The following TYK2 variants were observed in gnomAD, a reference collection of about 807,000 sequenced individuals.
TYK2 encodes the protein non-receptor tyrosine-protein kinase TYK2.
A neutral mutation model predicts 130.9 loss-of-function variants in TYK2; 65 were observed. The observed-to-expected ratio is 0.50, with a 90% CI of 0.41 to 0.61. TYK2 has a LOEUF of 0.61. Among genes scored for constraint, TYK2 ranks in the 20% least tolerant of loss-of-function variants. TYK2 has a pLI of 0.00. For synonymous variants in TYK2, 647 were observed against 658.9 expected, an observed-to-expected ratio of 0.98 and a Z score of 0.28; for missense variants, 1,378 against 1,610.7, an observed-to-expected ratio of 0.86 and a Z score of 2.47.
rs772233092 is a variant in TYK2, at chr19:10,357,495, C to T, written c.2466+269G>A. On this transcript the variant is annotated intron_variant, in intron 17 of 24. Transcript: ENST00000525621. ...CTTCTTCCCCACTCTGCAGCCTGGG[C>T]GTCTCCCATCGCTGCCCTGGTCACT... 50 of 705,360 alleles carry T rather than the reference C, an allele frequency of 7.1e-5. 1 individual carries two copies. The highest frequency in any genetic ancestry group is 4.9e-4 in the South Asian group (33 of 67,646). 43.7% of individuals were successfully genotyped at this position (705,360 alleles called of 1,614,324 possible).
intron 17 of TYK2, chr19:10,357,457 C>T (rs573548161): frequency 1.1e-5 from 8 of 699,114 alleles, no homozygotes; most frequent in South Asian, 8.9e-5. Context: ...CTGGGTGAGG[C>T]GCATCCTCAG....
At position 10,353,151 on chromosome 19, in the gene TYK2, G is replaced by T; in HGVS notation, c.3028-53C>A. On this transcript the variant is annotated intron_variant, in intron 21 of 24. Transcript: ENST00000525621. The surrounding 1 kb of genome is among the most constrained non-coding windows in gnomAD (Gnocchi z 6.9). ...TCAGTGGGGCGGGGTTCGGCCGGGGGCGGCGGCAGGACCTGAGCAGCCAGG... is the reference window on the plus strand; with the variant it reads ...TCAGTGGGGCGGGGTTCGGCCGGGGTCGGCGGCAGGACCTGAGCAGCCAGG... 7.0e-7 allele frequency: 1 copy of T among 1,422,624 alleles called. No homozygotes were observed. Among genetic ancestry groups the T allele is most frequent in the Non-Finnish European group, 9.3e-7 (1 of 1,079,344 alleles). 88.1% of individuals were successfully genotyped at this position (1,422,624 alleles called of 1,614,324 possible). A position where few individuals can be genotyped will look rare whatever the true frequency, so the allele number is the denominator to read the frequency against.
Position 10,359,022 on chromosome 19 carries a change from C to T in TYK2, c.2175+153G>A, listed in dbSNP as rs529137403. 3.2e-4 allele frequency among the ~76,000 whole-genome samples: 48 copies of T among 152,230 alleles called. 1 individual carries two copies. Among genetic ancestry groups the T allele is most frequent in the African/African-American group, 1.1e-3 (47 of 41,564 alleles). ...AGGTTGCAGTGAGCCGAGATCATGCCATTGCACTCCAGCCTGGGTGACAGG... is the reference window on the plus strand; with the variant it reads ...AGGTTGCAGTGAGCCGAGATCATGCTATTGCACTCCAGCCTGGGTGACAGG... On this transcript the variant is annotated intron_variant, in intron 15 of 24. Transcript: ENST00000525621.
At chr19:10,362,727 C>T in intron 9 of TYK2, 70 bp from the exon 10 acceptor site, 1 of 1,300,160 alleles carries the variant, frequency 7.7e-7, no homozygotes, top group Non-Finnish European at 1.1e-6. Flanking sequence ...GGAACAATGA[C>T]ACTCATTACC....
intron 14 of TYK2, among the ~76,000 whole-genome samples, 160 bp from the exon 15 acceptor site, chr19:10,359,462 A>G (rs554901251): frequency 1.3e-5 from 2 of 152,168 alleles, no homozygotes; most frequent in South Asian, 2.1e-4. Flanking sequence ...GAGTTTGGGG[A>G]GAGAAGAAAT....
chr19:10,358,282 TA>T, intron 15 of TYK2, 144 bp from the exon 16 acceptor site: 2 of 747,124 alleles, frequency 2.7e-6, no homozygotes, highest in African/African-American at 1.8e-5. Context: ...TTTGGGGGGT[TA>T]TTTTTTTCTT....
At chr19:10,379,989 T>A (rs1223804331) in intron 1 of TYK2, among the ~76,000 whole-genome samples, 2 of 152,172 alleles carry the variant, frequency 1.3e-5, no homozygotes, top group Non-Finnish European at 1.5e-5. Flanking sequence ...CTGAGCCTCC[T>A]GAGGGCGCCA....
At chr19:10,356,463 C>A (rs1599333288) in intron 18 of TYK2, 105 bp downstream of exon 18, 10 of 1,454,148 alleles carry the variant, frequency 6.9e-6, no homozygotes, top group Non-Finnish European at 7.6e-6. Context: ...AATTGGCACA[C>A]ACCCTGAACC....
chr19:10,373,193 C>A (rs940730244), intron 3 of TYK2, among the ~76,000 whole-genome samples: 2 of 151,536 alleles, frequency 1.3e-5, no homozygotes, highest in South Asian at 2.1e-4. Flanking sequence ...CCCGCCACCA[C>A]GCCCGGCTAA....
At position 10,357,907 on chromosome 19, in the gene TYK2, T is replaced by C. The variant is rs765449778; in HGVS notation, c.2323A>G (p.Arg775Gly). The change falls in exon 17 of 25, where the codon AGG becomes GGG. Residue 775 changes from arginine to glycine, a missense_variant. Coordinates refer to ENST00000525621, the MANE Select transcript of TYK2 (RefSeq NM_003331.5). ...CATTCGGGGGCCAGCCAGGGGATCC[T>C]CTCCACCCGCTCTGGGAGGCCAAGG... ...GALSREERVE[R>G]IPWLAPECLP... 2 of 1,613,472 alleles carry C rather than the reference T, an allele frequency of 1.2e-6. No individual in the cohort carries two copies. Among genetic ancestry groups the C allele is most frequent in the Non-Finnish European group, 1.7e-6 (2 of 1,180,012 alleles).
At chr19:10,352,648 G>A in intron 22 of TYK2, 97 bp from the exon 23 acceptor site, 1 of 747,226 alleles carries the variant, frequency 1.3e-6, no homozygotes, top group Admixed American at 2.4e-5. Context: ...AGGACCCTCT[G>A]GGCTCAGTTG....
At position 10,353,616 on chromosome 19, in the gene TYK2, T is replaced by A; in HGVS notation, c.2939A>T (p.Tyr980Phe). The A allele has an allele frequency of 6.8e-7, 1 of 1,478,862 alleles. No individual in the cohort carries two copies. The highest frequency in any genetic ancestry group is 1.5e-5 in the South Asian group (1 of 68,490). The allele number at this position is 1,478,862 out of a possible 1,614,324, so 91.6% of individuals were successfully genotyped here. A position where few individuals can be genotyped will look rare whatever the true frequency, so the allele number is the denominator to read the frequency against. Residue 980 changes from tyrosine (Y) to phenylalanine (F), a missense_variant, in exon 21 of 25, where the codon TAC becomes TTC. By Grantham distance (22) the Tyr-to-Phe change is conservative. Coordinates refer to ENST00000525621, the MANE Select transcript of TYK2 (RefSeq NM_003331.5). The surrounding 1 kb of genome is among the most constrained non-coding windows in gnomAD (Gnocchi z 6.9). ...GEKSLQLVME[Y>F]VPLGSLRDYL... ...GTCTCGGAGGCTGCCCAGGGGCACG[T>A]ACTCCATGACCAGCTGCAGCGACTT...
At position 10,357,918 on chromosome 19, in the gene TYK2, T is replaced by C; in HGVS notation, c.2312A>G (p.Glu771Gly). 1 of 1,613,508 alleles carries C rather than the reference T, an allele frequency of 6.2e-7. No individual in the cohort carries two copies. Among genetic ancestry groups the C allele is most frequent in the Non-Finnish European group, 8.5e-7 (1 of 1,180,024 alleles). ...CAGCCAGGGGATCCTCTCCACCCGC[T>C]CTGGGAGGCCAAGGTCAGAGGTCAC... ...GVGLGALSRE[E>G]RVERIPWLAP... Residue 771 changes from glutamate (E) to glycine (G), a missense_variant and splice_region_variant, in exon 17 of 25, where the codon GAG becomes GGG. Physicochemically the swap from Glu to Gly is moderately conservative, Grantham distance 98 (BLOSUM62 -2). Coordinates refer to ENST00000525621, the MANE Select transcript of TYK2 (RefSeq NM_003331.5).
intron 18 of TYK2, among the ~76,000 whole-genome samples, 176 bp from the exon 19 acceptor site, chr19:10,354,785 T>C (rs1375200174): frequency 6.6e-6 from 1 of 151,996 alleles, no homozygotes; most frequent in Non-Finnish European, 1.5e-5. Flanking sequence ...CAGAGTTGGC[T>C]GCATCAAAAC....
In TYK2 at chr19:10,353,701, C is replaced by T; in HGVS notation, c.2909-55G>A. The stretch of plus-strand genomic sequence containing the variant: ...GGACGATAGAGGGCGGGCCGGGGAC[C>T]GCCTACCTTGAGCCCAGCAGAGCCC... On this transcript the variant is annotated intron_variant, in intron 20 of 24. Transcript: ENST00000525621. This position sits in a 1 kb window ranked among gnomAD's most constrained non-coding sequence, Gnocchi z 6.9. 1 of 1,353,206 alleles carries T rather than the reference C, an allele frequency of 7.4e-7. No individual in the cohort carries two copies. The highest frequency in any genetic ancestry group is 9.9e-7 in the Non-Finnish European group (1 of 1,009,644). 83.8% of individuals were successfully genotyped at this position (1,353,206 alleles called of 1,614,324 possible). A position where few individuals can be genotyped will look rare whatever the true frequency, so the allele number is the denominator to read the frequency against.
At chr19:10,357,468 C>T in intron 17 of TYK2, 1 of 702,194 alleles carries the variant, frequency 1.4e-6, no homozygotes, top group Middle Eastern at 2.3e-4. Context: ...GCATCCTCAG[C>T]CCTTCTTCCC....
At chr19:10,356,426 G>T in intron 18 of TYK2, 142 bp downstream of exon 18, 1 of 986,728 alleles carries the variant, frequency 1.0e-6, no homozygotes, top group Non-Finnish European at 1.5e-6. Context: ...AGCCAGGCAG[G>T]GCATGCTTAT....
At chr19:10,379,341 T>C (rs1429266558) in intron 2 of TYK2, among the ~76,000 whole-genome samples, 1 of 149,190 alleles carries the variant, frequency 6.7e-6, no homozygotes, top group Non-Finnish European at 1.5e-5. Context: ...AAAATATAAA[T>C]AAATAAATAA....
chr19:10,378,403 G>C lies in TYK2; in HGVS notation c.4C>G (p.Pro2Ala). The change falls in exon 3 of 25, where the codon CCT becomes GCT. Residue 2 changes from proline (P) to alanine (A), a missense_variant. Transcript: ENST00000525621. ...CTGGCCATCCCCCAGTGGCGCAGAG[G>C]CATGCTCCCGGCAGGTGGCTCAGCT... is the stretch of plus-strand genomic sequence containing the variant. M[P>A]LRHWGMARGS... The C allele has an allele frequency of 2.5e-6, 4 of 1,609,610 alleles. No individual in the cohort carries two copies. The highest frequency in any genetic ancestry group is 3.4e-6 in the Non-Finnish European group (4 of 1,179,834).
Sources: allele counts gnomAD v4.1 joint callset (sites outside exome capture counted in the v4.1 genomes callset), GRCh38; gene constraint gnomAD v4.1.1; non-coding constraint Gnocchi (gnomAD v3.1); transcripts MANE v1.5; gene names NCBI Gene and HGNC (gene_info 2026-07-23, HGNC 2026-07-21).